PTPRA: variants seen among roughly 807,000 people sequenced by gnomAD.
PTPRA encodes receptor-type tyrosine-protein phosphatase alpha.
A neutral mutation model predicts 104.8 loss-of-function variants in PTPRA; 25 were observed. That is an observed-to-expected ratio of 0.24 (90% CI 0.17 to 0.33). The LOEUF (loss-of-function observed/expected upper bound fraction) is 0.33, where lower values mean the gene tolerates loss of function less well. Ranked by LOEUF, PTPRA falls within the 10% of genes least tolerant of loss-of-function variation. The pLI is 1.00. For synonymous variants in PTPRA, 323 were observed against 368.9 expected (o/e 0.88, Z 1.43); for missense variants, 765 against 1,015.3 (o/e 0.75, Z 3.35).
At chr20:2,992,505 G>A (rs935288361) in intron 9 of PTPRA, among the ~76,000 whole-genome samples, 7 of 151,968 alleles carry the variant, frequency 4.6e-5, no homozygotes, top group Admixed American at 2.6e-4. Context: ...CGACAAGAGC[G>A]AAACTCCATC....
chr20:2,980,856 G>A (rs905099721), intron 6 of PTPRA, among the ~76,000 whole-genome samples: 1 of 152,188 alleles, frequency 6.6e-6, no homozygotes, highest in African/African-American at 2.4e-5. Flanking sequence ...GGCTTAGACT[G>A]TGCTCACAAT....
intron 1 of PTPRA, among the ~76,000 whole-genome samples, chr20:2,914,956 A>G (rs981166739): frequency 3.9e-5 from 6 of 152,214 alleles, no homozygotes; most frequent in Non-Finnish European, 8.8e-5. Context: ...TCCTCATACT[A>G]TAAATAGTTG....
upstream of PTPRA, among the ~76,000 whole-genome samples, chr20:2,870,791 C>T (rs749678976): frequency 2.0e-5 from 3 of 152,200 alleles, no homozygotes; most frequent in Admixed American, 6.5e-5. Flanking sequence ...GGGGTGGCTG[C>T]GAAATGCCTA....
chr20:3,005,603 AT>A (rs1568691803), intron 10 of PTPRA, among the ~76,000 whole-genome samples: 1 of 149,114 alleles, frequency 6.7e-6, no homozygotes, highest in Admixed American at 6.7e-5. Flanking sequence ...AGATAAATAA[AT>A]AAGAGTAGGT....
intron 1 of PTPRA, among the ~76,000 whole-genome samples, chr20:2,894,911 C>T (rs1387801078): frequency 1.1e-4 from 16 of 149,728 alleles, no homozygotes; most frequent in Non-Finnish European, 1.9e-4. Flanking sequence ...GGGGTGAACC[C>T]GGGAGGCGGA....
intron 5 of PTPRA, among the ~76,000 whole-genome samples, chr20:2,973,117 GTTTAC>G (rs974351821): frequency 7.4e-5 from 11 of 148,942 alleles, no homozygotes; most frequent in Admixed American, 1.3e-4. Flanking sequence ...TTTAAATTTT[GTTTAC>G]TTTATGTCTC....
chr20:3,014,557 T>C (rs929643611), intron 11 of PTPRA, among the ~76,000 whole-genome samples: 2 of 152,010 alleles, frequency 1.3e-5, no homozygotes, highest in Non-Finnish European at 2.9e-5. Flanking sequence ...GGCAGGAGAA[T>C]CACTTGAACC....
chr20:2,900,221 G>A (rs2059180237), intron 1 of PTPRA, among the ~76,000 whole-genome samples: 1 of 151,788 alleles, frequency 6.6e-6, no homozygotes, highest in Non-Finnish European at 1.5e-5. Flanking sequence ...GCAGTGACAC[G>A]ATTATAGCTC....
intron 1 of PTPRA, among the ~76,000 whole-genome samples, chr20:2,899,075 C>T (rs1029428579): frequency 1.1e-4 from 17 of 152,126 alleles, no homozygotes; most frequent in African/African-American, 4.1e-4. Context: ...CAGGTAATCC[C>T]AGCACTTTGG....
chr20:2,949,720 GT>G (rs11477018), intron 3 of PTPRA, among the ~76,000 whole-genome samples: 19,316 of 145,564 alleles, frequency 0.13, 1,546 homozygotes, highest in Admixed American at 0.23. Context: ...ATTGCGTATT[GT>G]TTTTTTTTTT....
At chr20:2,970,539 T>G (rs1360045460) in intron 5 of PTPRA, among the ~76,000 whole-genome samples, 1 of 152,228 alleles carries the variant, frequency 6.6e-6, no homozygotes, top group Non-Finnish European at 1.5e-5. Flanking sequence ...CCCATTTTTA[T>G]TAGAGTGTCA....
In PTPRA at chr20:2,940,992, A is replaced by G. The variant is rs137903261; in HGVS notation, c.-49-6990A>G. 8.2e-3 allele frequency among the ~76,000 whole-genome samples: 1,243 copies of G among 151,474 alleles called. 14 individuals are homozygous for G. Among genetic ancestry groups the G allele is most frequent in the South Asian group, 0.05 (240 of 4,808 alleles). ...GTATTTGTGAGATATTTCTCTCACA[A>G]AACGTGTTCTTTTCTTCTGGTTTTT... On this transcript the variant is annotated intron_variant, in intron 2 of 23. Coordinates refer to ENST00000399903, the MANE Select transcript of PTPRA (RefSeq NM_001385305.1).
At chr20:2,931,629 C>T (rs1303680801) in intron 2 of PTPRA, among the ~76,000 whole-genome samples, 1 of 152,166 alleles carries the variant, frequency 6.6e-6, no homozygotes, top group Non-Finnish European at 1.5e-5. Flanking sequence ...ATGGATTTGA[C>T]TTCTCTGTCA....
At chr20:3,001,596 A>C (rs1229155424) in intron 9 of PTPRA, among the ~76,000 whole-genome samples, 2 of 128,274 alleles carry the variant, frequency 1.6e-5, no homozygotes, top group Non-Finnish European at 3.5e-5. Context: ...AACCTGTGGA[A>C]ATCTTATGTG....
intron 9 of PTPRA, among the ~76,000 whole-genome samples, chr20:3,000,341 G>A (rs938249114): frequency 2.6e-5 from 4 of 152,048 alleles, no homozygotes; most frequent in Non-Finnish European, 5.9e-5. Flanking sequence ...GGTACTTCAC[G>A]GAAGAGGAAA....
At chr20:2,944,933 G>A (rs1005465872) in intron 2 of PTPRA, among the ~76,000 whole-genome samples, 7 of 152,110 alleles carry the variant, frequency 4.6e-5, no homozygotes, top group Admixed American at 2.6e-4. Flanking sequence ...TCTGTTCTTC[G>A]AATATTTCTT....
chr20:2,958,785 G>C (rs544788349), intron 3 of PTPRA, among the ~76,000 whole-genome samples: 1 of 149,968 alleles, frequency 6.7e-6, no homozygotes, highest in Non-Finnish European at 1.5e-5. Context: ...AGGCGGAGGT[G>C]GCAGTGAGCC....
intron 1 of PTPRA, among the ~76,000 whole-genome samples, chr20:2,881,475 A>G (rs1226367102): frequency 6.6e-6 from 1 of 151,108 alleles, no homozygotes; most frequent in African/African-American, 2.5e-5. Context: ...CAGATGCTTT[A>G]CAAAATTTTG....
intron 1 of PTPRA, among the ~76,000 whole-genome samples, chr20:2,919,478 C>A (rs1367081195): frequency 1.3e-5 from 2 of 152,178 alleles, no homozygotes; most frequent in African/African-American, 2.4e-5. Flanking sequence ...AGATTGCCTA[C>A]AGTGTACTGG....
Sources: gnomAD v4.1 joint callset for allele counts (sites outside exome capture counted in the v4.1 genomes callset) on GRCh38, gnomAD v4.1.1 for gene constraint, MANE v1.5 for transcripts, NCBI Gene and HGNC (gene_info 2026-07-23, HGNC 2026-07-21) for gene names.